Variants in PPP1R12B observed in about 807,000 individuals in gnomAD.
PPP1R12B encodes the protein protein phosphatase 1 regulatory subunit 12B.
In PPP1R12B, 76 loss-of-function variants were observed where a neutral mutation model predicts 126.1. That is an observed-to-expected ratio of 0.60 (90% CI 0.50 to 0.73). The LOEUF (loss-of-function observed/expected upper bound fraction) is 0.73. Ranked by LOEUF, PPP1R12B falls within the 30% of genes least tolerant of loss-of-function variation. The probability of loss-of-function intolerance (pLI) is 0.00; values close to 1 mark genes in which losing one functional copy is unlikely to be tolerated. For synonymous variants in PPP1R12B, 356 were observed against 434.7 expected (o/e 0.82, Z 2.25); for missense variants, 1,052 against 1,205.1 (o/e 0.87, Z 1.88).
chr1:202,392,213 C>T (rs1466904135), intron 1 of PPP1R12B, among the ~76,000 whole-genome samples: 2 of 151,958 alleles, frequency 1.3e-5, no homozygotes, highest in Non-Finnish European at 2.9e-5. Context: ...TTCATAATAA[C>T]CAAAGGTGAA....
intron 13 of PPP1R12B, among the ~76,000 whole-genome samples, chr1:202,479,766 T>C (rs573080040): frequency 1.3e-5 from 2 of 152,302 alleles, no homozygotes; most frequent in African/African-American, 4.8e-5. Flanking sequence ...CTGAACTAAT[T>C]AGAAATGCAG....
At chr1:202,515,370 G>A (rs544967975) in intron 18 of PPP1R12B, among the ~76,000 whole-genome samples, 2 of 152,244 alleles carry the variant, frequency 1.3e-5, no homozygotes, top group South Asian at 2.1e-4. Context: ...GACTCAATGT[G>A]ACAGAAACTT....
rs114439240 is a variant in PPP1R12B at position 202,434,559 on chromosome 1, A to G, written c.1142-97A>G. ...TACAGGGCCTTAATAATCTGTTTTG[A>G]TAATGGGCAAATCTTTTCTATTAGC... is the stretch of plus-strand genomic sequence containing the variant. On this transcript the variant is annotated intron_variant, in intron 8 of 23. Transcript: ENST00000608999. 1,002 of 1,457,382 alleles carry G rather than the reference A, an allele frequency of 6.9e-4. 8 individuals are homozygous for G. The African/African-American group carries it at 0.013, about 19-fold the overall frequency. 90.3% of individuals were successfully genotyped at this position (1,457,382 alleles called of 1,614,324 possible). A position where few individuals can be genotyped will look rare whatever the true frequency, so the allele number is the denominator to read the frequency against.
chr1:202,515,956 G>A (rs1261671808), intron 18 of PPP1R12B, among the ~76,000 whole-genome samples: 1 of 152,184 alleles, frequency 6.6e-6, no homozygotes, highest in Non-Finnish European at 1.5e-5. Flanking sequence ...GAGAGAGGCA[G>A]TGAAGCCTGA....
At chr1:202,558,257 A>G (rs1343591429) in intron 18 of PPP1R12B, among the ~76,000 whole-genome samples, 7 of 151,586 alleles carry the variant, frequency 4.6e-5, no homozygotes, top group African/African-American at 4.8e-5. Context: ...TACTGGTTGT[A>G]TCTATAAAAC....
intron 1 of PPP1R12B, among the ~76,000 whole-genome samples, chr1:202,384,013 C>T (rs1662748181): frequency 1.3e-5 from 2 of 152,136 alleles, no homozygotes; most frequent in South Asian, 2.1e-4. Flanking sequence ...TTACTTCACA[C>T]CCACTAGGAT....
intron 8 of PPP1R12B, among the ~76,000 whole-genome samples, chr1:202,434,202 G>C (rs1424944217): frequency 1.3e-5 from 2 of 152,156 alleles, no homozygotes; most frequent in African/African-American, 4.8e-5. Context: ...ATGGGAAATT[G>C]ACACTGTAGG....
At chr1:202,389,505 G>C (rs1387831747) in intron 1 of PPP1R12B, among the ~76,000 whole-genome samples, 12 of 152,126 alleles carry the variant, frequency 7.9e-5, no homozygotes, top group African/African-American at 2.9e-4. Flanking sequence ...TTAGCCGGGT[G>C]TGGTGGCAGG....
intron 13 of PPP1R12B, among the ~76,000 whole-genome samples, chr1:202,475,043 C>T (rs1558274680): frequency 6.6e-6 from 1 of 152,140 alleles, no homozygotes; most frequent in Non-Finnish European, 1.5e-5. Context: ...TTTAGATTTA[C>T]CCCTTTGTTT....
intron 9 of PPP1R12B, among the ~76,000 whole-genome samples, chr1:202,437,236 G>C (rs1402450938): frequency 1.3e-5 from 2 of 151,962 alleles, no homozygotes; most frequent in African/African-American, 4.8e-5. Flanking sequence ...GTGGGCTGAG[G>C]GGGAGGATTG....
In PPP1R12B at chr1:202,493,330, T is replaced by C; in HGVS notation, c.2145+13T>C. 6.2e-7 allele frequency: 1 copy of C among 1,609,834 alleles called. No individual in the cohort carries two copies. Among genetic ancestry groups the C allele is most frequent in the Non-Finnish European group, 8.5e-7 (1 of 1,178,640 alleles). On this transcript the variant is annotated intron_variant, in intron 15 of 23. Transcript: ENST00000608999. ...TCTGGATGAAGAGGTGAGCTCATTTTTGCTGGCATGTACTGTGCTAAAAGC... is the reference window on the plus strand; with the variant it reads ...TCTGGATGAAGAGGTGAGCTCATTTCTGCTGGCATGTACTGTGCTAAAAGC...
intron 1 of PPP1R12B, among the ~76,000 whole-genome samples, chr1:202,389,695 C>G (rs1466006771): frequency 1.3e-5 from 2 of 151,632 alleles, no homozygotes; most frequent in African/African-American, 4.8e-5. Flanking sequence ...TTTGGGAGGC[C>G]AAGGCGGGAA....
At chr1:202,557,104 C>T (rs990657584) in intron 18 of PPP1R12B, among the ~76,000 whole-genome samples, 11 of 152,182 alleles carry the variant, frequency 7.2e-5, no homozygotes, top group Admixed American at 3.9e-4. Flanking sequence ...CCTCCTGCCT[C>T]GGCTTTCCAT....
chr1:202,499,248 A>G (rs1378995711), intron 18 of PPP1R12B, among the ~76,000 whole-genome samples: 2 of 152,144 alleles, frequency 1.3e-5, no homozygotes, highest in Non-Finnish European at 2.9e-5. Context: ...GAAATCAACC[A>G]GCAGTAATAT....
intron 7 of PPP1R12B, 62 bp downstream of exon 7, chr1:202,430,872 T>C (rs1293938606): frequency 1.3e-6 from 2 of 1,547,166 alleles, no homozygotes; most frequent in Admixed American, 2.0e-5. Context: ...CATACTTAAC[T>C]TCAGAATTTA....
chr1:202,364,763 AG>A (rs1299114218), intron 1 of PPP1R12B, among the ~76,000 whole-genome samples: 1 of 152,066 alleles, frequency 6.6e-6, no homozygotes, highest in Non-Finnish European at 1.5e-5. Context: ...TTTTTAGTAG[AG>A]ACGGGGTTTC....
intron 18 of PPP1R12B, among the ~76,000 whole-genome samples, chr1:202,526,100 T>C (rs1683318850): frequency 6.6e-6 from 1 of 152,230 alleles, no homozygotes; most frequent in Non-Finnish European, 1.5e-5. Flanking sequence ...GGAGAACTGC[T>C]GTAATGAGGT....
chr1:202,559,443 G>C (rs2149004481), intron 19 of PPP1R12B, among the ~76,000 whole-genome samples: 1 of 152,222 alleles, frequency 6.6e-6, no homozygotes, highest in Non-Finnish European at 1.5e-5. Context: ...ACAAACTAAA[G>C]ACCTGTTTTG....
At chr1:202,384,196 C>G (rs1010701591) in intron 1 of PPP1R12B, among the ~76,000 whole-genome samples, 3 of 152,170 alleles carry the variant, frequency 2.0e-5, no homozygotes, top group African/African-American at 7.2e-5. Context: ...GTTCTGCTCC[C>G]AGGTATATAT....
Sources: allele counts gnomAD v4.1 joint callset (sites outside exome capture counted in the v4.1 genomes callset), GRCh38; gene constraint gnomAD v4.1.1; transcripts MANE v1.5; gene names NCBI Gene and HGNC (gene_info 2026-07-23, HGNC 2026-07-21).